The following LRRIQ3 variants were observed in gnomAD, a reference collection of about 807,000 sequenced individuals.
The protein encoded by LRRIQ3 is leucine-rich repeat and IQ domain-containing protein 3.
In LRRIQ3, 75 loss-of-function variants were observed where a neutral mutation model predicts 59.3. The observed-to-expected ratio is 1.26, with a 90% confidence interval of 1.05 to 1.53. The LOEUF (loss-of-function observed/expected upper bound fraction) is 1.53, where lower values mean the gene tolerates loss of function less well. Ranked by LOEUF, LRRIQ3 falls within the 40% of genes most tolerant of loss-of-function variation. The probability of loss-of-function intolerance (pLI) is 0.00; values close to 1 mark genes in which losing one functional copy is unlikely to be tolerated. For synonymous variants in LRRIQ3, 250 were observed against 231.3 expected (o/e 1.08, Z -0.73); for missense variants, 831 against 710.0 (o/e 1.17, Z -1.94).
At chr1:74,028,161 G>A (rs558990019) in intron 7 of LRRIQ3, among the ~76,000 whole-genome samples, 3 of 152,068 alleles carry the variant, frequency 2.0e-5, no homozygotes, top group African/African-American at 7.2e-5. Flanking sequence ...TTACAGTCTG[G>A]GAAGGAGAAC....
chr1:74,027,781 A>G (rs1414339824), intron 7 of LRRIQ3, among the ~76,000 whole-genome samples: 3 of 152,070 alleles, frequency 2.0e-5, no homozygotes, highest in African/African-American at 7.2e-5. Flanking sequence ...TAGATGCTGG[A>G]GACATAAATA....
At chr1:74,055,180 T>TTATA (rs57279520) in intron 6 of LRRIQ3, among the ~76,000 whole-genome samples, 1,505 of 139,848 alleles carry the variant, frequency 0.011, 21 homozygotes, top group African/African-American at 0.023. Context: ...CATATACACT[T>TTATA]TATATATATA....
chr1:74,158,438 A>G (rs1225354789), intron 3 of LRRIQ3, among the ~76,000 whole-genome samples: 1 of 152,174 alleles, frequency 6.6e-6, no homozygotes, highest in African/African-American at 2.4e-5. Context: ...GAATTACCTG[A>G]TAATCAAACT....
At chr1:74,062,358 C>G (rs1351984023) in intron 6 of LRRIQ3, among the ~76,000 whole-genome samples, 3 of 152,004 alleles carry the variant, frequency 2.0e-5, no homozygotes, top group Non-Finnish European at 4.4e-5. Context: ...AGTGAGATAC[C>G]ATCTCACACC....
intron 5 of LRRIQ3, among the ~76,000 whole-genome samples, chr1:74,077,378 T>C (rs550997971): frequency 6.6e-6 from 1 of 151,866 alleles, no homozygotes; most frequent in Non-Finnish European, 1.5e-5. Context: ...CTACCCATGA[T>C]AAAATAATGA....
At chr1:74,048,730 G>T (rs560871499) in intron 6 of LRRIQ3, among the ~76,000 whole-genome samples, 7 of 152,096 alleles carry the variant, frequency 4.6e-5, no homozygotes, top group African/African-American at 1.7e-4. Context: ...AATATTAGCA[G>T]TCTGTCTTTA....
intron 3 of LRRIQ3, among the ~76,000 whole-genome samples, chr1:74,171,241 A>G (rs1388373604): frequency 2.0e-5 from 3 of 152,134 alleles, no homozygotes; most frequent in Non-Finnish European, 2.9e-5. Flanking sequence ...AAAAAACTTA[A>G]AAGTTTTTCA....
chr1:74,078,914 T>C (rs531790050), intron 5 of LRRIQ3, among the ~76,000 whole-genome samples: 1 of 151,976 alleles, frequency 6.6e-6, no homozygotes, highest in African/African-American at 2.4e-5. Context: ...CAGAAATACT[T>C]AGAATTTGTT....
In LRRIQ3 at chr1:74,035,028, A is replaced by G. The variant is rs989346188; in HGVS notation, c.1718+6185T>C. Among the ~76,000 whole-genome samples the G allele has an allele frequency of 5.9e-5, 9 of 152,176 alleles. No homozygotes were observed. In the East Asian group the frequency reaches 9.7e-4, roughly 16 times the overall value. On this transcript the variant is annotated intron_variant, in intron 7 of 7. Coordinates refer to ENST00000354431, the MANE Select transcript of LRRIQ3 (RefSeq NM_001105659.2). ...GTGTGAAAGACTTTGAAAGGGTAAA[A>G]TAAAATTACTAGGAGTCCTGGCTAG...
chr1:74,168,648 T>C (rs1413732062), intron 3 of LRRIQ3, among the ~76,000 whole-genome samples: 6 of 152,074 alleles, frequency 3.9e-5, no homozygotes, highest in Non-Finnish European at 8.8e-5. Context: ...TTCTGTTAGA[T>C]TCCTGTTTTT....
chr1:74,090,824 G>A lies in LRRIQ3; in HGVS notation c.868-16034C>T, dbSNP rs550908229. ...TGGAAGGACTGCTTGAGTCCAGGAG[G>A]TCAAGATTGGAGTGAGCCATGAATG... On this transcript the variant is annotated intron_variant, in intron 5 of 7. Coordinates refer to ENST00000354431, the MANE Select transcript of LRRIQ3 (RefSeq NM_001105659.2). 3.3e-5 allele frequency among the ~76,000 whole-genome samples: 5 copies of A among 152,058 alleles called. No homozygotes were observed. The East Asian group carries it at 5.8e-4, about 18-fold the overall frequency.
At chr1:74,111,637 T>C (rs1425953137) in intron 4 of LRRIQ3, among the ~76,000 whole-genome samples, 1 of 152,062 alleles carries the variant, frequency 6.6e-6, no homozygotes, top group Admixed American at 6.6e-5. Flanking sequence ...TATATATCTC[T>C]GGAAATTGTC....
intron 6 of LRRIQ3, among the ~76,000 whole-genome samples, chr1:74,047,686 A>G (rs1450294374): frequency 6.6e-6 from 1 of 152,018 alleles, no homozygotes; most frequent in South Asian, 2.1e-4. Context: ...TAAACCAGAA[A>G]GTGGGTTTTC....
At chr1:74,060,197 C>T (rs909207415) in intron 6 of LRRIQ3, among the ~76,000 whole-genome samples, 1 of 60,950 alleles carries the variant, frequency 1.6e-5, no homozygotes, top group Admixed American at 2.0e-4. Flanking sequence ...TTTTCTTCTT[C>T]TTCTTCTTCT....
rs761314550 is a variant in LRRIQ3 at position 74,074,656 on chromosome 1, C to G, written c.997+5G>C. 3.1e-6 allele frequency: 4 copies of G among 1,296,360 alleles called. No homozygotes were observed. Among genetic ancestry groups the G allele is most frequent in the Non-Finnish European group, 3.0e-6 (3 of 987,168 alleles). 80.3% of individuals were successfully genotyped at this position (1,296,360 alleles called of 1,614,324 possible). A position where few individuals can be genotyped will look rare whatever the true frequency, so the allele number is the denominator to read the frequency against. ...TAAATATAATTAAAAATTCATATAA[C>G]TAACCTTTTTGAATGAGATGTCTTG... On this transcript the variant is annotated splice_donor_5th_base_variant and intron_variant, in intron 6 of 7. Transcript: ENST00000354431.
chr1:74,166,960 C>T (rs1311464653), intron 3 of LRRIQ3, among the ~76,000 whole-genome samples: 2 of 151,616 alleles, frequency 1.3e-5, no homozygotes, highest in South Asian at 2.1e-4. Context: ...TAGACGCTGG[C>T]GTGGATGTGG....
At chr1:74,087,137 T>C (rs185241385) in intron 5 of LRRIQ3, among the ~76,000 whole-genome samples, 1 of 152,166 alleles carries the variant, frequency 6.6e-6, no homozygotes, top group Admixed American at 6.6e-5. Context: ...TATTAAAATA[T>C]ATAGAGAGAA....
intron 4 of LRRIQ3, among the ~76,000 whole-genome samples, chr1:74,125,696 T>C (rs148767951): frequency 2.8e-4 from 42 of 152,132 alleles, no homozygotes; most frequent in Non-Finnish European, 3.5e-4. Flanking sequence ...ATTCCTGGGA[T>C]AAATTCCACT....
intron 4 of LRRIQ3, among the ~76,000 whole-genome samples, chr1:74,113,749 C>T (rs11809489): frequency 2.8e-3 from 431 of 152,038 alleles, no homozygotes; most frequent in African/African-American, 9.4e-3. Context: ...AAATAATTTA[C>T]TTCTAGCAGC....
Sources: allele counts gnomAD v4.1 joint callset (sites outside exome capture counted in the v4.1 genomes callset), GRCh38; gene constraint gnomAD v4.1.1; transcripts MANE v1.5; gene names NCBI Gene and HGNC (gene_info 2026-07-23, HGNC 2026-07-21).